TMEM74: variants seen among roughly 807,000 people sequenced by gnomAD.
TMEM74 encodes transmembrane protein 74.
In TMEM74, 13 loss-of-function variants were observed where a neutral mutation model predicts 18.1. The observed-to-expected ratio is 0.72, with a 90% CI of 0.47 to 1.14. TMEM74 has a LOEUF of 1.14. TMEM74 is among the 50% of genes most tolerant of loss of function. The probability of loss-of-function intolerance (pLI) is 0.00; values close to 1 mark genes in which losing one functional copy is unlikely to be tolerated. For synonymous variants in TMEM74, 159 were observed against 146.6 expected, an observed-to-expected ratio of 1.08 and a Z score of -0.61; for missense variants, 372 against 375.9, an observed-to-expected ratio of 0.99 and a Z score of 0.09.
chr8:108,784,491 G>T lies in TMEM74; in HGVS notation c.608C>A (p.Thr203Asn). The change falls in exon 2 of 2, where the codon ACT becomes AAT. Residue 203 changes from threonine (T) to asparagine (N), a missense_variant. Coordinates refer to ENST00000297459, the MANE Select transcript of TMEM74 (RefSeq NM_153015.3). The part of the protein sequence containing the change: ...IISYIVPREV[T>N]VDPNTVAARE... ...GGCTGCCACAGTGTTGGGGTCCACA[G>T]TCACTTCCCGTGGGACGATGTAAGA... The T allele has an allele frequency of 6.2e-7, 1 of 1,614,158 alleles. No homozygotes were observed. Among genetic ancestry groups the T allele is most frequent in the Non-Finnish European group, 8.5e-7 (1 of 1,180,022 alleles).
At chr8:108,657,881 T>TATATATATATATATAAATTAC (rs1812858970) in intron 1 of TMEM74, among the ~76,000 whole-genome samples, 1 of 98,510 alleles carries the variant, frequency 1.0e-5, no homozygotes, top group Non-Finnish European at 2.0e-5. Flanking sequence ...TATATATATA[T>TATATATATATATATAAATTAC]ATATATATAT....
At chr8:108,725,493 C>A (rs1040882733) in intron 1 of TMEM74, among the ~76,000 whole-genome samples, 1 of 152,064 alleles carries the variant, frequency 6.6e-6, no homozygotes, top group African/African-American at 2.4e-5. Flanking sequence ...TAAATTATTT[C>A]TTTGGGCATT....
chr8:108,748,553 A>T (rs1473689452), intron 1 of TMEM74, among the ~76,000 whole-genome samples: 1 of 151,896 alleles, frequency 6.6e-6, no homozygotes, highest in Non-Finnish European at 1.5e-5. Context: ...TTTGCTGTGG[A>T]GAAGCTCTTT....
At chr8:108,747,963 T>C (rs1813866772) in intron 1 of TMEM74, among the ~76,000 whole-genome samples, 2 of 152,166 alleles carry the variant, frequency 1.3e-5, no homozygotes, top group South Asian at 4.1e-4. Flanking sequence ...CAGTTTATCA[T>C]TGATGGGTAT....
At chr8:108,640,275 G>A (rs1246867917) in intron 2 of TMEM74, among the ~76,000 whole-genome samples, 1 of 151,620 alleles carries the variant, frequency 6.6e-6, no homozygotes, top group African/African-American at 2.4e-5. Context: ...TGGGATTACA[G>A]GCAAATTTTT....
chr8:108,691,601 A>T (rs2130607776), intron 1 of TMEM74, among the ~76,000 whole-genome samples: 1 of 152,342 alleles, frequency 6.6e-6, no homozygotes, highest in Middle Eastern at 3.4e-3. Context: ...AAGTCTACTG[A>T]GAGTGATGCA....
At chr8:108,609,165 G>A (rs1812309028) in intron 2 of TMEM74, among the ~76,000 whole-genome samples, 1 of 152,194 alleles carries the variant, frequency 6.6e-6, no homozygotes, top group Admixed American at 6.5e-5. Flanking sequence ...ATGCACATAA[G>A]CAAGGCTGAA....
intron 2 of TMEM74, among the ~76,000 whole-genome samples, chr8:108,614,666 T>G (rs1303732833): frequency 6.6e-6 from 1 of 152,180 alleles, no homozygotes; most frequent in African/African-American, 2.4e-5. Flanking sequence ...GTGGGGGGTT[T>G]TGTGAGAAAC....
chr8:108,706,776 G>GGGGTGTGT (rs145501229), intron 1 of TMEM74, among the ~76,000 whole-genome samples: 2 of 144,870 alleles, frequency 1.4e-5, no homozygotes, highest in South Asian at 2.3e-4. Flanking sequence ...AATTACAAGG[G>GGGGTGTGT]GTGTGTGTGT....
At chr8:108,673,480 T>G (rs776171776) in intron 1 of TMEM74, among the ~76,000 whole-genome samples, 9 of 152,222 alleles carry the variant, frequency 5.9e-5, no homozygotes, top group Admixed American at 2.6e-4. Context: ...AGGAAGTGAA[T>G]CTTCAGGACA....
chr8:108,697,696 C>T (rs963748998), intron 1 of TMEM74, among the ~76,000 whole-genome samples: 2 of 152,192 alleles, frequency 1.3e-5, no homozygotes, highest in African/African-American at 2.4e-5. Flanking sequence ...GAGCCACCAT[C>T]CCCAGCCAAT....
chr8:108,732,307 G>A (rs1813703181), intron 1 of TMEM74, among the ~76,000 whole-genome samples: 1 of 152,148 alleles, frequency 6.6e-6, no homozygotes, highest in Non-Finnish European at 1.5e-5. Context: ...AAGTTGTTTA[G>A]CTGTCCATTC....
intron 2 of TMEM74, among the ~76,000 whole-genome samples, chr8:108,654,768 T>A (rs1318941681): frequency 6.6e-6 from 1 of 150,706 alleles, no homozygotes; most frequent in Admixed American, 6.7e-5. Flanking sequence ...TTTTTTTTTT[T>A]ATATTCCACC....
chr8:108,650,986 C>T (rs1414331700), intron 2 of TMEM74, among the ~76,000 whole-genome samples: 2 of 152,132 alleles, frequency 1.3e-5, no homozygotes, highest in African/African-American at 2.4e-5. Context: ...GTTGGGATTA[C>T]AGGCGTGAGC....
intron 1 of TMEM74, among the ~76,000 whole-genome samples, chr8:108,739,897 A>C (rs1382848298): frequency 6.6e-6 from 1 of 152,016 alleles, no homozygotes; most frequent in Non-Finnish European, 1.5e-5. Flanking sequence ...ACAATTTGAG[A>C]GAGAGAAGTG....
At chr8:108,672,769 T>C (rs1813016051) in intron 1 of TMEM74, among the ~76,000 whole-genome samples, 1 of 152,226 alleles carries the variant, frequency 6.6e-6, no homozygotes, top group Admixed American at 6.5e-5. Flanking sequence ...AGGGTCCTTC[T>C]GATGTTCAAA....
At chr8:108,619,482 C>T (rs1326554145) in intron 2 of TMEM74, among the ~76,000 whole-genome samples, 2 of 152,186 alleles carry the variant, frequency 1.3e-5, no homozygotes, top group African/African-American at 4.8e-5. Context: ...AGTGCATGGG[C>T]CACTGTGACA....
intron 1 of TMEM74, among the ~76,000 whole-genome samples, chr8:108,670,764 G>A (rs189248258): frequency 2.6e-4 from 39 of 152,106 alleles, no homozygotes; most frequent in East Asian, 1.7e-3. Flanking sequence ...CATGTTCACC[G>A]TAATATTAGG....
intron 2 of TMEM74, among the ~76,000 whole-genome samples, chr8:108,634,229 A>T (rs569930240): frequency 9.9e-5 from 15 of 151,068 alleles, no homozygotes; most frequent in African/African-American, 3.6e-4. Flanking sequence ...ACAATAAAAA[A>T]CTCTCCTCCC....
Sources: gnomAD v4.1 joint callset for allele counts (sites outside exome capture counted in the v4.1 genomes callset) on GRCh38, gnomAD v4.1.1 for gene constraint, MANE v1.5 for transcripts, NCBI Gene and HGNC (gene_info 2026-07-23, HGNC 2026-07-21) for gene names.